PKD1L1: variants seen among roughly 807,000 people sequenced by gnomAD.
The protein encoded by PKD1L1 is polycystin 1 like 1, transient receptor potential channel interacting, also known as polycystin-1-like protein 1.
In PKD1L1, 236 loss-of-function variants were observed where a neutral mutation model predicts 323.4. The observed-to-expected ratio is 0.73, with a 90% confidence interval of 0.66 to 0.81. The LOEUF (loss-of-function observed/expected upper bound fraction) is 0.81, where lower values mean the gene tolerates loss of function less well. Ranked by LOEUF, PKD1L1 falls within the 40% of genes least tolerant of loss-of-function variation. PKD1L1 has a pLI of 0.00. For missense variants in PKD1L1, 3,320 were observed against 3,508.0 expected, an observed-to-expected ratio of 0.95 and a Z score of 1.35; for synonymous variants, 1,344 against 1,335.0, an observed-to-expected ratio of 1.01 and a Z score of -0.15.
chr7:47,880,273 T>TAG (rs1459590989), intron 21 of PKD1L1, among the ~76,000 whole-genome samples: 817 of 80,364 alleles, frequency 0.01, 27 homozygotes, highest in African/African-American at 0.045. Context: ...TACATATATA[T>TAG]ATATATATAT....
intron 11 of PKD1L1, 96 bp from the exon 12 acceptor site, chr7:47,904,713 CG>C: frequency 9.2e-7 from 1 of 1,090,980 alleles, no homozygotes. Flanking sequence ...AAGAGGAAGG[CG>C]GGGGAGGGGG....
At chr7:47,899,943 G>C (rs552392688) in intron 13 of PKD1L1, among the ~76,000 whole-genome samples, 1 of 63,798 alleles carries the variant, frequency 1.6e-5, no homozygotes, top group Non-Finnish European at 3.1e-5. Context: ...GCAACAGAGC[G>C]AGACTCCATC....
chr7:47,855,205 G>A lies in PKD1L1; in HGVS notation c.4651C>T (p.Gln1551Ter). The change falls in exon 29 of 57, where the codon CAA (glutamine) becomes TAA (stop). Residue 1551 changes from glutamine to a stop codon, truncating the protein, a stop_gained. Transcript: ENST00000289672. LOFTEE classifies it high-confidence loss of function. ...TCSSRRPINR[Q>*]WLRKPVMVEF... ...ACCATCACGGGTTTCCTTAGCCATT[G>A]CCTGTTGATGGGTCTTCTGCTGGAG... 6.2e-7 allele frequency: 1 copy of A among 1,614,150 alleles called. No individual in the cohort carries two copies. The highest frequency in any genetic ancestry group is 8.5e-7 in the Non-Finnish European group (1 of 1,180,036).
chr7:47,904,362 C>T lies in PKD1L1; in HGVS notation c.1931+16G>A. The T allele has an allele frequency of 6.2e-7, 1 of 1,613,854 alleles. No homozygotes were observed. Among genetic ancestry groups the T allele is most frequent in the East Asian group, 2.2e-5 (1 of 44,876 alleles). On this transcript the variant is annotated intron_variant, in intron 12 of 56. Transcript: ENST00000289672. The stretch of plus-strand genomic sequence containing the variant: ...GCTGTCTGTAGAGAGCACTCCGCCG[C>T]CTTGCAGTGGCTCACCTACTGTAGA...
intron 54 of PKD1L1, among the ~76,000 whole-genome samples, chr7:47,798,704 G>C (rs1485053755): frequency 6.7e-6 from 1 of 149,610 alleles, no homozygotes; most frequent in Non-Finnish European, 1.5e-5. Flanking sequence ...GCAGTGATCT[G>C]AGATCACGCC....
At chr7:47,834,613 C>T (rs1785418386) in intron 39 of PKD1L1, among the ~76,000 whole-genome samples, 1 of 151,974 alleles carries the variant, frequency 6.6e-6, no homozygotes, top group African/African-American at 2.4e-5. Flanking sequence ...TGAGGCTGCC[C>T]TAAGGAAACA....
intron 25 of PKD1L1, among the ~76,000 whole-genome samples, chr7:47,865,574 T>C (rs1472050189): frequency 6.8e-6 from 1 of 147,944 alleles, no homozygotes; most frequent in Non-Finnish European, 1.5e-5. Context: ...ATTTATTATT[T>C]TATTTTATTT....
In PKD1L1 at chr7:47,876,194, G is replaced by A. The variant is rs369495342; in HGVS notation, c.3687C>T (p.Tyr1229=). ...TGTGTTTGGAGGTGTTTCCTATCTG[G>A]TAACTAAATTCATAATGGAAGTCCT... The part of the protein sequence containing the change: ...GKPDFHYEFS[Y]QIGNTSKHTL... The change falls in exon 23 of 57, where the codon TAC becomes TAT. Residue 1229 remains tyrosine, a synonymous_variant. Transcript: ENST00000289672. The A allele has an allele frequency of 1.1e-5, 17 of 1,613,900 alleles. No individual in the cohort carries two copies. The highest frequency in any genetic ancestry group is 1.4e-5 in the Non-Finnish European group (16 of 1,179,914).
chr7:47,877,126 G>A (rs1786423409), intron 22 of PKD1L1, among the ~76,000 whole-genome samples: 1 of 152,082 alleles, frequency 6.6e-6, no homozygotes, highest in South Asian at 2.1e-4. Context: ...TGTGCCTGGG[G>A]AGGGAAAGGG....
intron 56 of PKD1L1, among the ~76,000 whole-genome samples, chr7:47,781,283 T>C (rs1179842639): frequency 6.6e-6 from 1 of 152,204 alleles, no homozygotes; most frequent in Non-Finnish European, 1.5e-5. Flanking sequence ...TCTTTATATA[T>C]TGTAGATACT....
intron 43 of PKD1L1, 116 bp from the exon 44 acceptor site, chr7:47,829,717 C>T (rs1452455552): frequency 2.4e-5 from 26 of 1,091,742 alleles, no homozygotes; most frequent in Non-Finnish European, 3.3e-5. Flanking sequence ...GTTTTAAAGA[C>T]ACCAGTAGTC....
chr7:47,864,576 T>C (rs368344955), intron 26 of PKD1L1, among the ~76,000 whole-genome samples: 10 of 107,626 alleles, frequency 9.3e-5, no homozygotes, highest in East Asian at 3.0e-4. Context: ...TTTTTCTTTC[T>C]TTTCTTTCTT....
chr7:47,811,030 T>G (rs564823145), intron 50 of PKD1L1, among the ~76,000 whole-genome samples: 1 of 152,294 alleles, frequency 6.6e-6, no homozygotes, highest in South Asian at 2.1e-4. Context: ...AAGAAGAGGT[T>G]CTGTGAGCAC....
chr7:47,927,225 A>G (rs894578936), intron 7 of PKD1L1, among the ~76,000 whole-genome samples: 3 of 152,110 alleles, frequency 2.0e-5, no homozygotes, highest in South Asian at 2.1e-4. Context: ...AAAAAAAACT[A>G]TAAGTAAAAC....
At chr7:47,787,743 A>C (rs1289210874) in intron 56 of PKD1L1, among the ~76,000 whole-genome samples, 1 of 151,990 alleles carries the variant, frequency 6.6e-6, no homozygotes, top group Non-Finnish European at 1.5e-5. Flanking sequence ...ACAGGTTTTC[A>C]CTCTGTTTCC....
intron 55 of PKD1L1, among the ~76,000 whole-genome samples, chr7:47,795,050 G>C (rs1236596330): frequency 6.6e-6 from 1 of 152,152 alleles, no homozygotes; most frequent in Admixed American, 6.6e-5. Flanking sequence ...TGACACTTTG[G>C]ACTGTGGACT....
At position 47,877,620 on chromosome 7, in the gene PKD1L1, C is replaced by T. The variant is rs1217983359; in HGVS notation, c.3532G>A (p.Gly1178Ser). 1.9e-6 allele frequency: 3 copies of T among 1,613,878 alleles called. No homozygotes were observed. The highest frequency in any genetic ancestry group is 1.3e-5 in the African/African-American group (1 of 75,044). Residue 1178 changes from glycine to serine, a missense_variant, in exon 22 of 57, where the codon GGC becomes AGC. By Grantham distance (56) the Gly-to-Ser change is moderately conservative (BLOSUM62 0). Coordinates refer to ENST00000289672, the MANE Select transcript of PKD1L1 (RefSeq NM_138295.5). ...TACAGCTGAGCTTTACCCAGTAAGC[C>T]ATGCTTCGAAGCTAAAGAGAAAGAT... Reference protein sequence around the residue: ...VLQVSVASKHGLLGKAQLYLT... With the variant: ...VLQVSVASKHSLLGKAQLYLT...
chr7:47,843,078 G>T lies in PKD1L1; in HGVS notation c.5329C>A (p.His1777Asn), dbSNP rs375205808. 9.9e-6 allele frequency: 16 copies of T among 1,613,662 alleles called. No individual in the cohort carries two copies. Among genetic ancestry groups the T allele is most frequent in the Non-Finnish European group, 1.4e-5 (16 of 1,179,828 alleles). The change falls in exon 34 of 57, where the codon CAT (histidine) becomes AAT (asparagine). Residue 1777 changes from histidine to asparagine, a missense_variant. Coordinates refer to ENST00000289672, the MANE Select transcript of PKD1L1 (RefSeq NM_138295.5). The part of the protein sequence containing the change: ...LVAKSRQVDH[H>N]EKKKAGYIFL... ...ATGTAACCAGCTTTCTTTTTTTCAT[G>T]ATGATCTACTTGTCTACTTTTAGCG...
chr7:47,932,195 G>T, intron 4 of PKD1L1, 139 bp from the exon 5 acceptor site: 2 of 1,366,064 alleles, frequency 1.5e-6, no homozygotes, highest in Non-Finnish European at 2.0e-6. Flanking sequence ...GCTCATTCCT[G>T]GGAGTCAGGC....
Sources: allele counts gnomAD v4.1 joint callset (sites outside exome capture counted in the v4.1 genomes callset), GRCh38; gene constraint gnomAD v4.1.1; transcripts MANE v1.5; gene names NCBI Gene and HGNC (gene_info 2026-07-23, HGNC 2026-07-21).